Variants in MON2 observed in about 807,000 individuals in gnomAD.
MON2 encodes the protein protein MON2 homolog.
In MON2, 84 loss-of-function variants were observed where a neutral mutation model predicts 208.6. That is an observed-to-expected ratio of 0.40 (90% CI 0.34 to 0.48). The LOEUF is 0.48. Among genes scored for constraint, MON2 ranks in the 20% least tolerant of loss-of-function variants. MON2 has a pLI of 0.59. For missense variants in MON2, 1,611 were observed against 2,015.4 expected (o/e 0.80, Z 3.84); for synonymous variants, 660 against 694.0 (o/e 0.95, Z 0.77).
intron 1 of MON2, among the ~76,000 whole-genome samples, chr12:62,471,954 C>A (rs2068810330): frequency 6.6e-6 from 1 of 152,168 alleles, no homozygotes; most frequent in African/African-American, 2.4e-5. Context: ...GTGGCCTCTG[C>A]TTTCTTGCGA....
At chr12:62,530,549 G>A (rs1028281765) in intron 11 of MON2, among the ~76,000 whole-genome samples, 1 of 152,014 alleles carries the variant, frequency 6.6e-6, no homozygotes, top group African/African-American at 2.4e-5. Context: ...TGTTTTGAAG[G>A]TTCATCTGTG....
chr12:62,468,974 A>G (rs948922521), intron 1 of MON2, among the ~76,000 whole-genome samples: 1 of 152,062 alleles, frequency 6.6e-6, no homozygotes, highest in African/African-American at 2.4e-5. Context: ...GATTTTGGAA[A>G]TGGGGTCTCT....
intron 7 of MON2, among the ~76,000 whole-genome samples, chr12:62,507,918 G>A (rs1428723669): frequency 1.3e-5 from 2 of 152,026 alleles, no homozygotes; most frequent in African/African-American, 2.4e-5. Context: ...ACTGGTGCGT[G>A]CCACCATACC....
rs751239415 is a variant in MON2, at chr12:62,595,891, T to C, written c.*3142T>C. The C allele has an allele frequency of 6.6e-6, 1 of 152,246 alleles. No individual in the cohort carries two copies. The highest frequency in any genetic ancestry group is 1.5e-5 in the Non-Finnish European group (1 of 68,044). 9.4% of individuals were successfully genotyped at this position (152,246 alleles called of 1,614,324 possible). A position where few individuals can be genotyped will look rare whatever the true frequency, so the allele number is the denominator to read the frequency against. ...TCTTGTTTTTTCCATTATATGGTTA[T>C]CGATTCAACTCTTGCTATATTCCTT... On this transcript the variant is annotated 3_prime_UTR_variant, in exon 35 of 35. Transcript: ENST00000393630.
At chr12:62,537,379 A>G (rs773796199) in intron 15 of MON2, 116 bp downstream of exon 15, 3 of 750,804 alleles carry the variant, frequency 4.0e-6, no homozygotes, top group Non-Finnish European at 6.4e-6. Flanking sequence ...TACTAGAACT[A>G]CTTTCTTAAA....
chr12:62,514,238 T>G (rs542210370), intron 8 of MON2, among the ~76,000 whole-genome samples: 10 of 152,180 alleles, frequency 6.6e-5, no homozygotes, highest in Non-Finnish European at 1.2e-4. Flanking sequence ...CGTGTCTTCT[T>G]CTGAGCCCTC....
chr12:62,577,854 C>T (rs915834730), intron 30 of MON2, among the ~76,000 whole-genome samples: 11 of 152,072 alleles, frequency 7.2e-5, no homozygotes, highest in African/African-American at 2.4e-4. Context: ...ACTGTTCACT[C>T]TTATGAGCCA....
intron 8 of MON2, among the ~76,000 whole-genome samples, chr12:62,519,717 T>G (rs2071908602): frequency 6.6e-6 from 1 of 152,354 alleles, no homozygotes; most frequent in South Asian, 2.1e-4. Context: ...TCTGGCTTCA[T>G]AAAGACATGT....
At chr12:62,585,634 C>T in intron 33 of MON2, 133 bp downstream of exon 33, 1 of 679,684 alleles carries the variant, frequency 1.5e-6, no homozygotes, top group Non-Finnish European at 2.4e-6. Flanking sequence ...CTTATTTATC[C>T]CATATGGTGT....
Position 62,532,432 on chromosome 12 carries a change from T to A in MON2, c.1401-6T>A. The A allele has an allele frequency of 6.2e-7, 1 of 1,602,860 alleles. No individual in the cohort carries two copies. The highest frequency in any genetic ancestry group is 8.5e-7 in the Non-Finnish European group (1 of 1,169,792). On this transcript the variant is annotated splice_polypyrimidine_tract_variant and splice_region_variant and intron_variant, in intron 11 of 34. Transcript: ENST00000393630. The stretch of plus-strand genomic sequence containing the variant: ...CATTAGTATTCTATATTTTTCATAA[T>A]TTCAGCTTAGAAATGTTGGACAAAG...
rs200884151 is a variant in MON2 at position 62,537,616 on chromosome 12, T to C, written c.2028T>C (p.Asn676=). 33 of 1,605,196 alleles carry C rather than the reference T, an allele frequency of 2.1e-5. No homozygotes were observed. The Admixed American group carries it at 5.0e-4, about 24-fold the overall frequency. ...TTAAAATATAGCTGACTTCCAAAAATATCCAGTGTATGAGGACTTTACTTA... is the reference window on the plus strand; with the variant it reads ...TTAAAATATAGCTGACTTCCAAAAACATCCAGTGTATGAGGACTTTACTTA... ...PQGTVMLTSK[N]IQCMRTLLNL... The change falls in exon 16 of 35, where the codon AAT becomes AAC. Residue 676 remains asparagine (N), a synonymous_variant. Coordinates refer to ENST00000393630, the MANE Select transcript of MON2 (RefSeq NM_015026.3).
At chr12:62,584,154 C>T (rs949027738) in intron 32 of MON2, among the ~76,000 whole-genome samples, 10 of 151,930 alleles carry the variant, frequency 6.6e-5, no homozygotes, top group Admixed American at 5.2e-4. Flanking sequence ...CAGCATGCAT[C>T]CTAATCAACC....
chr12:62,524,669 G>A, intron 9 of MON2, 30 bp downstream of exon 9: 1 of 1,604,232 alleles, frequency 6.2e-7, no homozygotes, highest in Non-Finnish European at 8.5e-7. Flanking sequence ...TTGTTAAATA[G>A]ATAGGTTAAT....
intron 2 of MON2, among the ~76,000 whole-genome samples, chr12:62,490,300 CTT>C (rs961564017): frequency 2.0e-5 from 3 of 151,890 alleles, no homozygotes; most frequent in African/African-American, 7.2e-5. Context: ...AAACAAATAA[CTT>C]TCATTAAAAA....
intron 13 of MON2, 144 bp downstream of exon 13, chr12:62,535,070 C>G (rs1252015158): frequency 3.2e-6 from 2 of 618,670 alleles, no homozygotes; most frequent in African/African-American, 3.7e-5. Flanking sequence ...CCCTCATCCC[C>G]CTTCCTCATT....
intron 19 of MON2, among the ~76,000 whole-genome samples, chr12:62,540,923 A>C (rs902134994): frequency 2.6e-5 from 4 of 152,242 alleles, no homozygotes; most frequent in Admixed American, 2.0e-4. Flanking sequence ...ATATTATTGA[A>C]AAAAGAATGT....
intron 32 of MON2, among the ~76,000 whole-genome samples, chr12:62,585,061 A>G (rs2075152644): frequency 1.4e-5 from 1 of 70,570 alleles, no homozygotes; most frequent in Non-Finnish European, 2.5e-5. Context: ...GTTTCTCTCT[A>G]CATGCACACA....
At position 62,566,290 on chromosome 12, in the gene MON2, T is replaced by G. The variant is rs771164844; in HGVS notation, c.4195-32T>G. 11 of 1,594,194 alleles carry G rather than the reference T, an allele frequency of 6.9e-6. No homozygotes were observed. The African/African-American group carries it at 1.2e-4, about 18-fold the overall frequency. Reference sequence around the variant, plus strand: ...TATGATTAATTTAATCTCAGTTTATTTTTAACTGCATGTGAAAATATTACT... The same window carrying G: ...TATGATTAATTTAATCTCAGTTTATGTTTAACTGCATGTGAAAATATTACT... On this transcript the variant is annotated intron_variant, in intron 28 of 34. Coordinates refer to ENST00000393630, the MANE Select transcript of MON2 (RefSeq NM_015026.3).
At chr12:62,510,223 AAC>A (rs2071323933) in intron 8 of MON2, among the ~76,000 whole-genome samples, 1 of 152,220 alleles carries the variant, frequency 6.6e-6, no homozygotes, top group Non-Finnish European at 1.5e-5. Flanking sequence ...AAGTCTACCA[AAC>A]ATTGAAAGAA....
Sources: allele counts gnomAD v4.1 joint callset (sites outside exome capture counted in the v4.1 genomes callset), GRCh38; gene constraint gnomAD v4.1.1; transcripts MANE v1.5; gene names NCBI Gene and HGNC (gene_info 2026-07-23, HGNC 2026-07-21).